Variants in RABEP1 observed in about 807,000 individuals in gnomAD.
The protein encoded by RABEP1 is rab GTPase-binding effector protein 1.
RABEP1 carries 51 observed loss-of-function variants against 123.4 expected under a neutral mutation model. That is an observed-to-expected ratio of 0.41 (90% CI 0.33 to 0.52). The LOEUF is 0.52. Among genes scored for constraint, RABEP1 ranks in the 20% least tolerant of loss-of-function variants. The pLI is 0.16. For missense variants in RABEP1, 888 were observed against 996.3 expected (o/e 0.89, Z 1.46); for synonymous variants, 347 against 355.2 (o/e 0.98, Z 0.26).
chr17:5,350,768 A>T, intron 7 of RABEP1, 139 bp downstream of exon 7: 1 of 928,808 alleles, frequency 1.1e-6, no homozygotes, highest in South Asian at 1.6e-5. Context: ...TTTTAAAAAC[A>T]TAACAGCTAC....
intron 2 of RABEP1, among the ~76,000 whole-genome samples, chr17:5,330,403 T>C (rs1906420606): frequency 6.6e-6 from 1 of 152,250 alleles, no homozygotes; most frequent in Non-Finnish European, 1.5e-5. Context: ...CTCTGTGACT[T>C]TGACTACCAA....
intron 1 of RABEP1, among the ~76,000 whole-genome samples, chr17:5,284,926 C>T (rs991678365): frequency 2.0e-5 from 3 of 149,694 alleles, no homozygotes; most frequent in African/African-American, 4.9e-5. Flanking sequence ...TAGTCTTTGA[C>T]TTTATCTTGT....
chr17:5,370,531 CCA>C (rs1401713133), intron 12 of RABEP1, among the ~76,000 whole-genome samples: 3 of 152,052 alleles, frequency 2.0e-5, no homozygotes, highest in Non-Finnish European at 2.9e-5. Context: ...GAACAGTCTC[CCA>C]CTCTCTTTTT....
chr17:5,364,730 T>C (rs1909868738), intron 10 of RABEP1, among the ~76,000 whole-genome samples: 1 of 145,528 alleles, frequency 6.9e-6, no homozygotes. Context: ...AAAAAAAAAA[T>C]TTACCCTGAA....
intron 1 of RABEP1, among the ~76,000 whole-genome samples, chr17:5,306,474 AAAT>A (rs1027805888): frequency 6.6e-6 from 1 of 152,084 alleles, no homozygotes. Context: ...CTAAAAATAC[AAAT>A]ATTAGCTGGG....
At chr17:5,295,488 T>C (rs1303620840) in intron 1 of RABEP1, among the ~76,000 whole-genome samples, 2 of 147,296 alleles carry the variant, frequency 1.4e-5, no homozygotes, top group Non-Finnish European at 3.0e-5. Flanking sequence ...AAGTATTGTT[T>C]TTATTTTTTT....
At position 5,282,382 on chromosome 17, in the gene RABEP1, C is replaced by A; in HGVS notation, c.-105C>A. On this transcript the variant is annotated 5_prime_UTR_variant, in exon 1 of 18. Transcript: ENST00000537505. ...GCCTTAGCGGTTTCTCTCTGGGCGG[C>A]GGCGGCGGCGGCTCGGTTGACGCCT... 2 of 926,612 alleles carry A rather than the reference C, an allele frequency of 2.2e-6. No individual in the cohort carries two copies. Among genetic ancestry groups the A allele is most frequent in the South Asian group, 3.0e-5 (1 of 33,770 alleles). The allele number at this position is 926,612 out of a possible 1,614,324, so 57.4% of individuals were successfully genotyped here.
At chr17:5,302,132 G>A (rs1049117822) in intron 1 of RABEP1, among the ~76,000 whole-genome samples, 1 of 152,066 alleles carries the variant, frequency 6.6e-6, no homozygotes, top group African/African-American at 2.4e-5. Flanking sequence ...GGAGAAATCT[G>A]GAGAAGAAAA....
chr17:5,360,094 C>T (rs867579633), intron 8 of RABEP1, among the ~76,000 whole-genome samples: 5 of 152,226 alleles, frequency 3.3e-5, no homozygotes, highest in African/African-American at 1.2e-4. Context: ...ATTAGAGTCA[C>T]TCGCCATTTT....
Position 5,361,607 on chromosome 17 carries a change from A to G in RABEP1, c.1495A>G (p.Ser499Gly). The G allele has an allele frequency of 6.2e-7, 1 of 1,614,158 alleles. No individual in the cohort carries two copies. The highest frequency in any genetic ancestry group is 8.5e-7 in the Non-Finnish European group (1 of 1,180,014). Residue 499 changes from serine (S) to glycine (G), a missense_variant, in exon 9 of 18, where the codon AGT becomes GGT. Physicochemically the swap from Ser to Gly is moderately conservative, Grantham distance 56 (BLOSUM62 0). Transcript: ENST00000537505. ...LLSSVTQGMESAYVSPSGYRL... is the reference protein window; with the variant it reads ...LLSSVTQGMEGAYVSPSGYRL... Reference sequence around the variant, plus strand: ...CTCCAGCGTTACCCAGGGCATGGAGAGTGCCTATGTGTCCCCTAGTGGTTA... The same window carrying G: ...CTCCAGCGTTACCCAGGGCATGGAGGGTGCCTATGTGTCCCCTAGTGGTTA...
chr17:5,304,422 A>G (rs2075163129), intron 1 of RABEP1, among the ~76,000 whole-genome samples: 1 of 151,712 alleles, frequency 6.6e-6, no homozygotes, highest in Admixed American at 6.6e-5. Flanking sequence ...TCTACTAAAA[A>G]TACAAAAAAA....
At chr17:5,345,717 A>G (rs1208626297) in intron 5 of RABEP1, among the ~76,000 whole-genome samples, 2 of 152,196 alleles carry the variant, frequency 1.3e-5, no homozygotes, top group Admixed American at 1.3e-4. Context: ...GATTGCTTAA[A>G]TGGTCATTTA....
intron 14 of RABEP1, among the ~76,000 whole-genome samples, 198 bp downstream of exon 14, chr17:5,377,503 T>G (rs1911087572): frequency 6.6e-6 from 1 of 151,198 alleles, no homozygotes; most frequent in South Asian, 2.1e-4. Flanking sequence ...TAATCAGAAA[T>G]TCTGGTTATT....
chr17:5,315,895 A>G (rs759157676), intron 2 of RABEP1, among the ~76,000 whole-genome samples: 1 of 152,086 alleles, frequency 6.6e-6, no homozygotes, highest in Non-Finnish European at 1.5e-5. Context: ...ATACCTTGAC[A>G]CATCTTTTGT....
At chr17:5,347,430 CAA>C (rs1211000112) in intron 6 of RABEP1, among the ~76,000 whole-genome samples, 1 of 151,642 alleles carries the variant, frequency 6.6e-6, no homozygotes, top group Admixed American at 6.6e-5. Context: ...AACAAACAAA[CAA>C]ACAAACAAAC....
intron 2 of RABEP1, among the ~76,000 whole-genome samples, chr17:5,310,466 T>C (rs1441832783): frequency 2.6e-5 from 4 of 151,932 alleles, no homozygotes; most frequent in African/African-American, 9.7e-5. Context: ...ATTACAGGTG[T>C]GTGCCACCAT....
chr17:5,303,717 AT>A (rs570345843), intron 1 of RABEP1, among the ~76,000 whole-genome samples: 30 of 152,264 alleles, frequency 2.0e-4, no homozygotes, highest in African/African-American at 7.0e-4. Context: ...TAAATTTCAC[AT>A]TGCTTATGTC....
At chr17:5,286,130 G>C (rs1345052946) in intron 1 of RABEP1, among the ~76,000 whole-genome samples, 1 of 152,154 alleles carries the variant, frequency 6.6e-6, no homozygotes, top group Non-Finnish European at 1.5e-5. Context: ...ATGGCAGGTG[G>C]ATTTCCCCTG....
Position 5,384,198 on chromosome 17 carries a change from TGTAA to T in RABEP1, c.*982_*985del, listed in dbSNP as rs1195437009. Reference sequence around the variant, plus strand: ...TTTTCTTTTGAATTCAGACCTGGAATGTAAGTAAGTGACAATGCTTATGGAAAGC... The same window carrying T: ...TTTTCTTTTGAATTCAGACCTGGAATGTAAGTGACAATGCTTATGGAAAGC... On this transcript the variant is annotated 3_prime_UTR_variant, in exon 18 of 18. Transcript: ENST00000537505. 3 of 214,930 alleles carry T rather than the reference TGTAA, an allele frequency of 1.4e-5. No individual in the cohort carries two copies. The highest frequency in any genetic ancestry group is 1.9e-5 in the Non-Finnish European group (2 of 106,742). The allele number at this position is 214,930 out of a possible 1,614,324, so 13.3% of individuals were successfully genotyped here.
Sources: allele counts gnomAD v4.1 joint callset (sites outside exome capture counted in the v4.1 genomes callset), GRCh38; gene constraint gnomAD v4.1.1; transcripts MANE v1.5; gene names NCBI Gene and HGNC (gene_info 2026-07-23, HGNC 2026-07-21).